PPP6R1: variants seen among roughly 807,000 people sequenced by gnomAD.
PPP6R1 encodes protein phosphatase 6 regulatory subunit 1.
PPP6R1 carries 39 observed loss-of-function variants against 104.6 expected under a neutral mutation model. The ratio of observed to expected loss-of-function variants is 0.37; its 90% CI spans 0.29 to 0.49. PPP6R1 has a LOEUF of 0.49. Ranked by LOEUF, PPP6R1 falls within the 20% of genes least tolerant of loss-of-function variation. PPP6R1 has a pLI of 0.98. For synonymous variants in PPP6R1, 549 were observed against 479.0 expected (o/e 1.15, Z -1.91); for missense variants, 1,181 against 1,155.8 (o/e 1.02, Z -0.32).
rs950361649 is a variant in PPP6R1, at chr19:55,240,840, C to G, written c.1296+105G>C. On this transcript the variant is annotated intron_variant, in intron 10 of 23. Transcript: ENST00000412770. ...TCTGGGCGCTGGCACCTAACACTAC[C>G]CAACAAACACTTGTGGGAGGAAGGA... 4.1e-6 allele frequency: 6 copies of G among 1,455,720 alleles called. No homozygotes were observed. In the African/African-American group the frequency reaches 7.1e-5, roughly 17 times the overall value. The allele number at this position is 1,455,720 out of a possible 1,614,324, so 90.2% of individuals were successfully genotyped here. A position where few individuals can be genotyped will look rare whatever the true frequency, so the allele number is the denominator to read the frequency against.
In PPP6R1 at chr19:55,242,283, C is replaced by T. The variant is rs761290048; in HGVS notation, c.732-4G>A. 2.9e-5 allele frequency: 47 copies of T among 1,613,570 alleles called. No individual in the cohort carries two copies. The highest frequency in any genetic ancestry group is 2.1e-4 in the African/African-American group (16 of 74,910). Reference sequence around the variant, plus strand: ...GAGCTGCTCAATCGTCTCCTGCCTGCGGGGGCAGGGGCAGGGGTCAGGGTG... The same window carrying T: ...GAGCTGCTCAATCGTCTCCTGCCTGTGGGGGCAGGGGCAGGGGTCAGGGTG... On this transcript the variant is annotated splice_region_variant and splice_polypyrimidine_tract_variant and intron_variant, in intron 6 of 23. Transcript: ENST00000412770.
chr19:55,232,303 A>G, intron 17 of PPP6R1, 92 bp from the exon 18 acceptor site: 6 of 1,450,912 alleles, frequency 4.1e-6, no homozygotes, highest in Non-Finnish European at 4.6e-6. Flanking sequence ...GCCCAAGGAG[A>G]GCGGGCTGGG....
At chr19:55,228,312 G>C (rs911445442), downstream of PPP6R1, 12 of 1,613,710 alleles carry the variant, frequency 7.4e-6, no homozygotes, top group African/African-American at 1.3e-5. Context: ...ACCCAGCCAG[G>C]CAGAGGACGG....
chr19:55,238,560 T>C (rs1436464756), intron 15 of PPP6R1: 2 of 152,444 alleles, frequency 1.3e-5, no homozygotes, highest in East Asian at 1.9e-4. Context: ...AGTGGGACAA[T>C]CTCGGCTCAC....
chr19:55,232,173 T>A lies in PPP6R1; in HGVS notation c.2027A>T (p.Glu676Val). ...CTCGTCTTCCTCCTCCTCCTCGTCCTCCTCTTCTTCGTCCTCACTGTCTGT... is the reference window on the plus strand; with the variant it reads ...CTCGTCTTCCTCCTCCTCCTCGTCCACCTCTTCTTCGTCCTCACTGTCTGT... ...GSTDSEDEEE[E>V]DEEEEEDEEG... The change falls in exon 18 of 24, where the codon GAG (glutamate) becomes GTG (valine). Residue 676 changes from glutamate (E) to valine (V), a missense_variant. Transcript: ENST00000412770. 6.4e-7 allele frequency: 1 copy of A among 1,565,556 alleles called. No homozygotes were observed. The highest frequency in any genetic ancestry group is 1.4e-5 in the African/African-American group (1 of 73,896).
Position 55,247,016 on chromosome 19 carries a change from C to G in PPP6R1, c.88G>C (p.Glu30Gln). The G allele has an allele frequency of 6.2e-7, 1 of 1,613,888 alleles. No homozygotes were observed. ...TTGCACTCCTGCAGCACGTCTTCCT[C>G]GTCCAGCAGCTCGGGCAGGCTCAGG... ...EDLSLPELLD[E>Q]EDVLQECKVV... The change falls in exon 2 of 24, where the codon GAG (glutamate) becomes CAG (glutamine). Residue 30 changes from glutamate (E) to glutamine (Q), a missense_variant. Transcript: ENST00000412770.
At chr19:55,234,145 C>T (rs537358694) in intron 17 of PPP6R1, among the ~76,000 whole-genome samples, 1 of 152,158 alleles carries the variant, frequency 6.6e-6, no homozygotes, top group Non-Finnish European at 1.5e-5. Flanking sequence ...TGGGGTTTCA[C>T]CATGTTGGCC....
chr19:55,235,808 G>A (rs187223053), intron 17 of PPP6R1, among the ~76,000 whole-genome samples: 11 of 150,164 alleles, frequency 7.3e-5, no homozygotes, highest in South Asian at 2.1e-4. Context: ...GTGAGCCACC[G>A]TGCCCGGCTG....
At chr19:55,230,707 T>TGCA in intron 22 of PPP6R1, 23 bp from the exon 23 acceptor site, 1 of 1,550,074 alleles carries the variant, frequency 6.5e-7, no homozygotes, top group Non-Finnish European at 8.7e-7. Flanking sequence ...AGAGGGGATG[T>TGCA]GCAGAGGTCA....
In PPP6R1 at chr19:55,241,539, C is replaced by T. The variant is rs1234615532; in HGVS notation, c.946G>A (p.Ala316Thr). Residue 316 changes from alanine (A) to threonine (T), a missense_variant, in exon 8 of 24, where the codon GCC (alanine) becomes ACC (threonine). Physicochemically the swap from Ala to Thr is moderately conservative, Grantham distance 58. Transcript: ENST00000412770. The surrounding 1 kb of genome is among the most constrained non-coding windows in gnomAD (Gnocchi z 5.4). Reference protein sequence around the residue: ...ALESTVSSVGALHALRPRLSC... With the variant: ...ALESTVSSVGTLHALRPRLSC... ...AGCCGCGGGCGTAGGGCGTGCAAGG[C>T]GCCCACACTGGACACAGTGCTTTCC... 3 of 1,579,874 alleles carry T rather than the reference C, an allele frequency of 1.9e-6. No homozygotes were observed. Among genetic ancestry groups the T allele is most frequent in the South Asian group, 1.2e-5 (1 of 86,690 alleles).
rs183665866 is a variant in PPP6R1, at chr19:55,247,327, T to C, written c.-6-218A>G. The C allele has an allele frequency of 1.5e-3, 878 of 576,320 alleles. 5 individuals carry two copies. The highest frequency in any genetic ancestry group is 0.015 in the African/African-American group (776 of 53,210). 35.7% of individuals were successfully genotyped at this position (576,320 alleles called of 1,614,324 possible). On this transcript the variant is annotated intron_variant, in intron 1 of 23. Transcript: ENST00000412770. ...AGGCTCCCAGTGAGCACCAGGCTCCTGCAGTTGCCCTCGAGCCTGCCCCTC... is the reference window on the plus strand; with the variant it reads ...AGGCTCCCAGTGAGCACCAGGCTCCCGCAGTTGCCCTCGAGCCTGCCCCTC...
chr19:55,235,572 A>G lies in PPP6R1; in HGVS notation c.1988+1071T>C, dbSNP rs371314483. On this transcript the variant is annotated intron_variant, in intron 17 of 23. Transcript: ENST00000412770. ...CTCGCTCTGTCGCCCAGGCTGGAGT[A>G]CAGTGGCGCAATCTTGGCTCACTGC... Among the ~76,000 whole-genome samples the G allele has an allele frequency of 3.1e-3, 455 of 148,644 alleles. 4 individuals are homozygous for G. The highest frequency in any genetic ancestry group is 9.0e-3 in the African/African-American group (361 of 40,160).
At chr19:55,258,163 A>G (rs974353172) in intron 1 of PPP6R1, among the ~76,000 whole-genome samples, 1 of 152,208 alleles carries the variant, frequency 6.6e-6, no homozygotes, top group Non-Finnish European at 1.5e-5. Context: ...TGGGGAGCGC[A>G]GCTGCAGAGA....
In PPP6R1 at chr19:55,242,248, T is replaced by C. The variant is rs749053690; in HGVS notation, c.763A>G (p.Met255Val). The change falls in exon 7 of 24, where the codon ATG (methionine) becomes GTG (valine). Residue 255 changes from methionine (M) to valine (V), a missense_variant. Met to Val is a conservative substitution (Grantham distance 21). Coordinates refer to ENST00000412770, the MANE Select transcript of PPP6R1 (RefSeq NM_014931.4). The stretch of plus-strand genomic sequence containing the variant: ...GACTGGCTCTGCTCCCCCTCGAACA[T>C]GTTGCTTAAGAGCTGCTCAATCGTC... ...QETIEQLLSN[M>V]FEGEQSQSVI... The C allele has an allele frequency of 3.7e-6, 6 of 1,613,830 alleles. No individual in the cohort carries two copies. The highest frequency in any genetic ancestry group is 3.3e-5 in the Admixed American group (2 of 60,024).
At chr19:55,231,119 C>T (rs758600843) in intron 21 of PPP6R1, among the ~76,000 whole-genome samples, 24 of 152,150 alleles carry the variant, frequency 1.6e-4, no homozygotes, top group South Asian at 2.1e-4. Context: ...TACTCGAGGC[C>T]GGCTGAGACA....
At chr19:55,252,205 A>C (rs2087558766) in intron 1 of PPP6R1, among the ~76,000 whole-genome samples, 1 of 152,218 alleles carries the variant, frequency 6.6e-6, no homozygotes, top group African/African-American at 2.4e-5. Context: ...TGAATACACT[A>C]AGAACCACTG....
chr19:55,239,174 C>T, intron 15 of PPP6R1: 1 of 555,332 alleles, frequency 1.8e-6, no homozygotes, highest in Middle Eastern at 4.9e-4. Flanking sequence ...ACCCTCATGG[C>T]CTGCCTCTCG....
In PPP6R1 at chr19:55,239,486, T is replaced by G. The variant is rs1286892121; in HGVS notation, c.1670A>C (p.Gln557Pro). ...AVLQQAFMDF[Q>P]MQRMTSAFID... is the part of the protein sequence containing the mutation. ...GAAGGCAGAGGTCATGCGCTGCATCTGGAAGTCCATGAAGGCCTGTGGGGG... is the reference window on the plus strand; with the variant it reads ...GAAGGCAGAGGTCATGCGCTGCATCGGGAAGTCCATGAAGGCCTGTGGGGG... The change falls in exon 15 of 24, where the codon CAG becomes CCG. Residue 557 changes from glutamine to proline, a missense_variant. Physicochemically the swap from Gln to Pro is moderately conservative, Grantham distance 76. This residue lies in a region of PPP6R1 where 1,042 missense variants were observed against 955.6 expected (regional missense o/e 1.09). Coordinates refer to ENST00000412770, the MANE Select transcript of PPP6R1 (RefSeq NM_014931.4). 2 of 1,613,976 alleles carry G rather than the reference T, an allele frequency of 1.2e-6. No homozygotes were observed. Among genetic ancestry groups the G allele is most frequent in the South Asian group, 2.2e-5 (2 of 91,080 alleles).
chr19:55,244,081 GAA>G (rs1300796200), intron 5 of PPP6R1, among the ~76,000 whole-genome samples: 1 of 152,226 alleles, frequency 6.6e-6, no homozygotes, highest in Non-Finnish European at 1.5e-5. Flanking sequence ...ACAAAAGAGA[GAA>G]AAGAGAGAAG....
Sources: allele counts gnomAD v4.1 joint callset (sites outside exome capture counted in the v4.1 genomes callset), GRCh38; gene constraint gnomAD v4.1.1; regional missense constraint gnomAD v4.1.1; non-coding constraint Gnocchi (gnomAD v3.1); transcripts MANE v1.5; gene names NCBI Gene and HGNC (gene_info 2026-07-23, HGNC 2026-07-21).